Variants in SGCZ observed in about 807,000 individuals in gnomAD.
SGCZ encodes sarcoglycan zeta, also known as zeta-sarcoglycan.
In SGCZ, 40 loss-of-function variants were observed where a neutral mutation model predicts 41.3. The observed-to-expected ratio is 0.97, with a 90% CI of 0.75 to 1.26. SGCZ has a LOEUF of 1.26. Among genes scored for constraint, SGCZ ranks in the 50% most tolerant of loss-of-function variants. The pLI, the probability that SGCZ is intolerant of heterozygous loss-of-function variation, is 0.00. For synonymous variants in SGCZ, 206 were observed against 137.5 expected, an observed-to-expected ratio of 1.50 and a Z score of -3.49; for missense variants, 552 against 369.8, an observed-to-expected ratio of 1.49 and a Z score of -4.04.
At chr8:14,375,184 A>T (rs961028623) in intron 2 of SGCZ, among the ~76,000 whole-genome samples, 2 of 152,216 alleles carry the variant, frequency 1.3e-5, no homozygotes, top group East Asian at 3.8e-4. Context: ...AAGTGCAATG[A>T]AAAAAGTATG....
At chr8:15,043,636 C>T (rs904518089) in intron 1 of SGCZ, among the ~76,000 whole-genome samples, 2 of 151,908 alleles carry the variant, frequency 1.3e-5, no homozygotes, top group Non-Finnish European at 2.9e-5. Flanking sequence ...AAGTATGTAA[C>T]AATCTTTTCT....
At chr8:14,540,846 A>G (rs1023307420) in intron 2 of SGCZ, among the ~76,000 whole-genome samples, 1 of 151,654 alleles carries the variant, frequency 6.6e-6, no homozygotes, top group Non-Finnish European at 1.5e-5. Context: ...CACATGTTCA[A>G]TTTTGGAGAT....
intron 1 of SGCZ, among the ~76,000 whole-genome samples, chr8:14,657,490 C>A (rs1273097373): frequency 6.6e-6 from 1 of 151,846 alleles, no homozygotes; most frequent in Non-Finnish European, 1.5e-5. Flanking sequence ...AATCATTGAC[C>A]ATGAAGCTAT....
intron 2 of SGCZ, among the ~76,000 whole-genome samples, chr8:14,330,280 G>A (rs897663633): frequency 6.6e-6 from 1 of 151,904 alleles, no homozygotes; most frequent in African/African-American, 2.4e-5. Flanking sequence ...GAAGTATGTG[G>A]TTAGTAAAAT....
At chr8:14,355,002 T>C (rs1029253418) in intron 2 of SGCZ, among the ~76,000 whole-genome samples, 2 of 151,948 alleles carry the variant, frequency 1.3e-5, no homozygotes, top group African/African-American at 4.8e-5. Flanking sequence ...TTTTCAAAGA[T>C]TACAGAAGTT....
intron 1 of SGCZ, among the ~76,000 whole-genome samples, chr8:15,001,728 CAAAA>C (rs1223307583): frequency 6.2e-5 from 5 of 81,040 alleles, no homozygotes; most frequent in South Asian, 4.6e-4. Flanking sequence ...GACTCCGTCT[CAAAA>C]AAAAAAAAAA....
chr8:14,814,148 G>A (rs572083278), intron 1 of SGCZ, among the ~76,000 whole-genome samples: 1 of 152,220 alleles, frequency 6.6e-6, no homozygotes, highest in South Asian at 2.1e-4. Context: ...CTTTGAGTTT[G>A]AAATAATTAA....
chr8:14,684,362 CGTATTTAT>C (rs1808539968), intron 1 of SGCZ, among the ~76,000 whole-genome samples: 1 of 152,080 alleles, frequency 6.6e-6, no homozygotes, highest in South Asian at 2.1e-4. Flanking sequence ...GTCATGGCAA[CGTATTTAT>C]GTACAGACAC....
At chr8:14,983,135 C>A (rs761583275) in intron 1 of SGCZ, among the ~76,000 whole-genome samples, 1 of 151,806 alleles carries the variant, frequency 6.6e-6, no homozygotes, top group Non-Finnish European at 1.5e-5. Flanking sequence ...TATTATGTAC[C>A]TGCTGGTGCT....
chr8:14,872,798 T>C (rs1406027366), intron 1 of SGCZ, among the ~76,000 whole-genome samples: 1 of 152,176 alleles, frequency 6.6e-6, no homozygotes, highest in Non-Finnish European at 1.5e-5. Flanking sequence ...GGCTATACTA[T>C]TTTATTCATC....
chr8:14,321,756 G>A (rs1801924904), intron 3 of SGCZ, among the ~76,000 whole-genome samples: 1 of 151,914 alleles, frequency 6.6e-6, no homozygotes, highest in Non-Finnish European at 1.5e-5. Context: ...AGAACTACAC[G>A]AACTTTGGAA....
chr8:14,845,182 G>T (rs938006010), intron 1 of SGCZ, among the ~76,000 whole-genome samples: 1 of 152,142 alleles, frequency 6.6e-6, no homozygotes. Flanking sequence ...CTAAGAAATG[G>T]TGCCTATTCT....
intron 1 of SGCZ, among the ~76,000 whole-genome samples, chr8:14,913,569 T>G (rs2130780391): frequency 6.6e-6 from 1 of 152,244 alleles, no homozygotes; most frequent in African/African-American, 2.4e-5. Flanking sequence ...AAGATGTCTC[T>G]GCAACAAAGG....
At chr8:15,021,807 T>A (rs1803259231) in intron 1 of SGCZ, among the ~76,000 whole-genome samples, 1 of 152,198 alleles carries the variant, frequency 6.6e-6, no homozygotes, top group South Asian at 2.1e-4. Flanking sequence ...TTACTGGAAC[T>A]TAAAAATTAG....
intron 1 of SGCZ, among the ~76,000 whole-genome samples, chr8:14,731,807 G>T (rs1034649942): frequency 2.0e-5 from 3 of 151,924 alleles, no homozygotes; most frequent in Non-Finnish European, 4.4e-5. Context: ...TTCTAAAATG[G>T]TTACTCAATC....
chr8:14,630,572 C>G (rs1416689961), intron 1 of SGCZ, among the ~76,000 whole-genome samples: 1 of 152,074 alleles, frequency 6.6e-6, no homozygotes, highest in South Asian at 2.1e-4. Flanking sequence ...CACATGCACA[C>G]GTATGTTTAT....
intron 1 of SGCZ, among the ~76,000 whole-genome samples, chr8:14,561,616 A>G (rs1038519522): frequency 6.6e-6 from 1 of 152,156 alleles, no homozygotes; most frequent in African/African-American, 2.4e-5. Context: ...CATTAGAATC[A>G]AATGACTTCT....
chr8:14,588,951 G>A (rs995431576), intron 1 of SGCZ, among the ~76,000 whole-genome samples: 5 of 152,130 alleles, frequency 3.3e-5, no homozygotes, highest in East Asian at 1.9e-4. Flanking sequence ...AATTCAGATC[G>A]TTACATTTGC....
chr8:14,873,428 T>C (rs758978017), intron 1 of SGCZ, among the ~76,000 whole-genome samples: 4 of 152,138 alleles, frequency 2.6e-5, no homozygotes, highest in African/African-American at 7.2e-5. Flanking sequence ...TAGAGTCGTA[T>C]AGTACTAGTC....
Sources: allele counts gnomAD v4.1 joint callset (sites outside exome capture counted in the v4.1 genomes callset), GRCh38; gene constraint gnomAD v4.1.1; transcripts MANE v1.5; gene names NCBI Gene and HGNC (gene_info 2026-07-23, HGNC 2026-07-21).